The following DNAH8 variants were observed in gnomAD, a reference collection of about 807,000 sequenced individuals.
DNAH8 encodes the protein dynein axonemal heavy chain 8.
DNAH8 carries 382 observed loss-of-function variants against 562.1 expected under a neutral mutation model. The observed-to-expected ratio is 0.68, with a 90% CI of 0.63 to 0.74. The LOEUF (loss-of-function observed/expected upper bound fraction) is 0.74, where lower values mean the gene tolerates loss of function less well. DNAH8 is among the 30% of genes least tolerant of loss of function. DNAH8 has a pLI of 0.00. For missense variants in DNAH8, 5,203 were observed against 5,620.4 expected, an observed-to-expected ratio of 0.93 and a Z score of 2.37; for synonymous variants, 1,881 against 1,919.4, an observed-to-expected ratio of 0.98 and a Z score of 0.52.
rs1769537705 is a variant in DNAH8 at position 38,789,872 on chromosome 6, A to G, written c.2653A>G (p.Lys885Glu). 6.2e-7 allele frequency: 1 copy of G among 1,611,580 alleles called. No homozygotes were observed. The highest frequency in any genetic ancestry group is 1.3e-5 in the African/African-American group (1 of 74,998). ...TGTGTTTGTCAATCTGATGACCCCA[A>G]AAATGAAAAAGGTTGGTATTGCTGA... ...PSVFVNLMTPKMKKVESVLRQ... is the reference protein window; with the variant it reads ...PSVFVNLMTPEMKKVESVLRQ... The change falls in exon 19 of 93, where the codon AAA (lysine) becomes GAA (glutamate). Residue 885 changes from lysine (K) to glutamate (E), a missense_variant. Lys to Glu is a moderately conservative substitution (Grantham distance 56). Coordinates refer to ENST00000327475, the MANE Select transcript of DNAH8 (RefSeq NM_001206927.2).
chr6:38,935,228 A>G (rs928812819), intron 76 of DNAH8, among the ~76,000 whole-genome samples: 1 of 152,200 alleles, frequency 6.6e-6, no homozygotes, highest in South Asian at 2.1e-4. Context: ...GACTGCAAAT[A>G]AAGATAGCAT....
intron 1 of DNAH8, among the ~76,000 whole-genome samples, chr6:38,715,958 A>ATTTTTTTTTTT (rs1454056787): frequency 3.9e-4 from 12 of 31,050 alleles, no homozygotes; most frequent in African/African-American, 2.0e-3. Flanking sequence ...ATATATATAT[A>ATTTTTTTTTTT]TATTTTTTTT....
At chr6:38,752,051 A>G (rs1295239668) in intron 9 of DNAH8, among the ~76,000 whole-genome samples, 1 of 152,208 alleles carries the variant, frequency 6.6e-6, no homozygotes, top group Non-Finnish European at 1.5e-5. Flanking sequence ...CCGTGATGGG[A>G]CCAAATTGGA....
At chr6:38,715,960 A>ATATATT (rs1372342002) in intron 1 of DNAH8, among the ~76,000 whole-genome samples, 6 of 23,628 alleles carry the variant, frequency 2.5e-4, no homozygotes, top group African/African-American at 3.6e-4. Flanking sequence ...ATATATATAT[A>ATATATT]TTTTTTTTTT....
chr6:38,928,908 C>T (rs1036834336), intron 74 of DNAH8, among the ~76,000 whole-genome samples: 3 of 152,108 alleles, frequency 2.0e-5, no homozygotes, highest in Non-Finnish European at 2.9e-5. Context: ...AATCTAAACA[C>T]GAAGACCCAA....
chr6:38,874,827 G>T (rs989500764), intron 52 of DNAH8, among the ~76,000 whole-genome samples: 1 of 152,140 alleles, frequency 6.6e-6, no homozygotes, highest in Admixed American at 6.5e-5. Flanking sequence ...AGTCATTTGT[G>T]GGTAGGTTAG....
At chr6:39,013,452 T>C (rs912288018) in intron 91 of DNAH8, among the ~76,000 whole-genome samples, 1 of 152,132 alleles carries the variant, frequency 6.6e-6, no homozygotes, top group African/African-American at 2.4e-5. Flanking sequence ...ACAGAAAACA[T>C]TACATGCGGT....
At chr6:38,747,105 T>C (rs1451004735) in intron 8 of DNAH8, among the ~76,000 whole-genome samples, 1 of 152,196 alleles carries the variant, frequency 6.6e-6, no homozygotes, top group Admixed American at 6.5e-5. Flanking sequence ...CAGCTAACAT[T>C]TATTGTGTGC....
chr6:38,941,515 G>T (rs1389015676), intron 79 of DNAH8, among the ~76,000 whole-genome samples: 4 of 152,106 alleles, frequency 2.6e-5, no homozygotes, highest in Non-Finnish European at 5.9e-5. Flanking sequence ...TTTTTCACAG[G>T]TCTAATGCAC....
rs556597682 is a variant in DNAH8, at chr6:38,948,951, G to A, written c.12130-501G>A. Among the ~76,000 whole-genome samples the A allele has an allele frequency of 2.0e-5, 3 of 152,198 alleles. No homozygotes were observed. In the South Asian group the frequency reaches 6.2e-4, roughly 32 times the overall value. On this transcript the variant is annotated intron_variant, in intron 80 of 92. Transcript: ENST00000327475. ...GTAGAGATCAACATTTAGAGGTTGG[G>A]TTATCAGAATGGTCTGTCAGTGGTT...
At chr6:38,984,540 C>T (rs547412253) in intron 87 of DNAH8, among the ~76,000 whole-genome samples, 5 of 152,226 alleles carry the variant, frequency 3.3e-5, no homozygotes, top group African/African-American at 1.2e-4. Flanking sequence ...CGCCTGTAAT[C>T]CCAGCACTTT....
At chr6:38,924,714 G>T (rs1781973641) in intron 73 of DNAH8, among the ~76,000 whole-genome samples, 1 of 152,104 alleles carries the variant, frequency 6.6e-6, no homozygotes, top group African/African-American at 2.4e-5. Context: ...CTAATACTGG[G>T]CCCTTCTTAT....
At chr6:38,813,843 T>C (rs1011451887) in intron 24 of DNAH8, among the ~76,000 whole-genome samples, 2 of 152,220 alleles carry the variant, frequency 1.3e-5, no homozygotes, top group African/African-American at 4.8e-5. Context: ...AGAAAATGTA[T>C]ATGAGATTAC....
At chr6:38,751,755 C>A (rs2746171) in intron 9 of DNAH8, among the ~76,000 whole-genome samples, 86,361 of 151,990 alleles carry the variant, frequency 0.57, 26,916 homozygotes, top group East Asian at 0.87. Flanking sequence ...TTAAAAAAAT[C>A]TCTATCCTTT....
Position 38,782,964 on chromosome 6 carries a change from A to T in DNAH8, c.2260-40A>T, listed in dbSNP as rs73420237. On this transcript the variant is annotated intron_variant, in intron 16 of 92. Transcript: ENST00000327475. ...TCATTATTTGGATATAAAAACATTC[A>T]GCAGTCTTTTAAAGTAAATCTTTTC... 22,439 of 1,557,168 alleles carry T rather than the reference A, an allele frequency of 0.014. 1,952 individuals are homozygous for T. The African/African-American group carries it at 0.22, about 15-fold the overall frequency.
At position 38,722,905 on chromosome 6, in the gene DNAH8, G is replaced by A. The variant is rs752778269; in HGVS notation, c.96G>A (p.Glu32=). ...EAAPPRSEEE[E]APRPPTVEAP... ...CCCCTCCCCGTTCAGAAGAGGAAGA[G>A]GCCCCGCGCCCTCCGACAGTGGAGG... Residue 32 remains glutamate (E), a synonymous_variant, in exon 2 of 93, where the codon GAG becomes GAA. Coordinates refer to ENST00000327475, the MANE Select transcript of DNAH8 (RefSeq NM_001206927.2). 4 of 1,612,334 alleles carry A rather than the reference G, an allele frequency of 2.5e-6. No individual in the cohort carries two copies. In the South Asian group the frequency reaches 4.4e-5, roughly 18 times the overall value.
At chr6:38,907,928 A>T in intron 63 of DNAH8, 28 bp from the exon 64 acceptor site, 1 of 1,524,558 alleles carries the variant, frequency 6.6e-7, no homozygotes. Flanking sequence ...CTTAAAACAC[A>T]GAACACTTCC....
intron 21 of DNAH8, among the ~76,000 whole-genome samples, chr6:38,795,668 C>T (rs1770185470): frequency 6.6e-6 from 1 of 151,942 alleles, no homozygotes; most frequent in South Asian, 2.1e-4. Context: ...AGTCACTTGC[C>T]CTGGAGTGAT....
rs548301899 is a variant in DNAH8, at chr6:38,919,160, G to A, written c.10524+1020G>A. Reference sequence around the variant, plus strand: ...TTGTTGATAAAAATTATGATCCATAGTGAAGACAATTAAAATAATGTGTTA... The same window carrying A: ...TTGTTGATAAAAATTATGATCCATAATGAAGACAATTAAAATAATGTGTTA... On this transcript the variant is annotated intron_variant, in intron 70 of 92. Transcript: ENST00000327475. 2.0e-3 allele frequency among the ~76,000 whole-genome samples: 312 copies of A among 152,216 alleles called. 1 individual carries two copies. Among genetic ancestry groups the A allele is most frequent in the African/African-American group, 7.0e-3 (292 of 41,546 alleles).
Sources: gnomAD v4.1 joint callset for allele counts (sites outside exome capture counted in the v4.1 genomes callset) on GRCh38, gnomAD v4.1.1 for gene constraint, MANE v1.5 for transcripts, NCBI Gene and HGNC (gene_info 2026-07-23, HGNC 2026-07-21) for gene names.